Variants in RFTN2 observed in about 807,000 individuals in gnomAD.
The protein encoded by RFTN2 is raftlin family member 2.
RFTN2 carries 34 observed loss-of-function variants against 52.7 expected under a neutral mutation model. The observed-to-expected ratio is 0.64, with a 90% CI of 0.49 to 0.86. The LOEUF is 0.86. RFTN2 is among the 40% of genes least tolerant of loss of function. RFTN2 has a pLI of 0.00. For synonymous variants in RFTN2, 203 were observed against 217.7 expected (o/e 0.93, Z 0.59); for missense variants, 536 against 600.1 (o/e 0.89, Z 1.12).
intron 1 of RFTN2, among the ~76,000 whole-genome samples, chr2:197,660,851 G>T (rs1434992347): frequency 6.6e-6 from 1 of 152,048 alleles, no homozygotes; most frequent in Non-Finnish European, 1.5e-5. Context: ...GAGCCACTGC[G>T]CCCGGCCAAG....
At chr2:197,637,696 G>A (rs1574731042) in intron 3 of RFTN2, among the ~76,000 whole-genome samples, 2 of 151,256 alleles carry the variant, frequency 1.3e-5, no homozygotes, top group South Asian at 4.2e-4. Context: ...CCAGCTCCTG[G>A]ATTCATTAAT....
intron 1 of RFTN2, among the ~76,000 whole-genome samples, chr2:197,648,316 T>C (rs2088781669): frequency 6.6e-6 from 1 of 152,202 alleles, no homozygotes; most frequent in African/African-American, 2.4e-5. Flanking sequence ...CTTCCTCCAA[T>C]TTTCACCCTC....
intron 8 of RFTN2, among the ~76,000 whole-genome samples, chr2:197,578,075 T>C (rs560751126): frequency 6.6e-6 from 1 of 152,224 alleles, no homozygotes; most frequent in Non-Finnish European, 1.5e-5. Flanking sequence ...AGAATCAAAA[T>C]AGGAAGGTGG....
chr2:197,665,517 CTTT>C, intron 1 of RFTN2, among the ~76,000 whole-genome samples: 2 of 41,506 alleles, frequency 4.8e-5, no homozygotes, highest in Non-Finnish European at 9.1e-5. Context: ...TGTACCTTGC[CTTT>C]TTTTTTTTTT....
At chr2:197,575,837 T>TATTCTATATATAA (rs1559335234) in intron 8 of RFTN2, among the ~76,000 whole-genome samples, 12 of 34,380 alleles carry the variant, frequency 3.5e-4, no homozygotes, top group South Asian at 1.4e-3. Flanking sequence ...ATATAATATA[T>TATTCTATATATAA]TATATATATT....
chr2:197,659,045 T>TA (rs1384589768), intron 1 of RFTN2, among the ~76,000 whole-genome samples: 5 of 152,196 alleles, frequency 3.3e-5, no homozygotes, highest in Non-Finnish European at 7.3e-5. Flanking sequence ...GAAAAAGTCA[T>TA]ATACTATGAC....
At chr2:197,612,754 G>A (rs1212244037) in intron 7 of RFTN2, among the ~76,000 whole-genome samples, 1 of 152,230 alleles carries the variant, frequency 6.6e-6, no homozygotes, top group Non-Finnish European at 1.5e-5. Flanking sequence ...TAGGGTAATT[G>A]AAGCAACAAC....
chr2:197,634,720 ATTAT>A (rs200552307), intron 3 of RFTN2, among the ~76,000 whole-genome samples: 28,101 of 148,818 alleles, frequency 0.19, 2,708 homozygotes, highest in Middle Eastern at 0.25. Context: ...ATTTTTAAGG[ATTAT>A]TTATTTATTT....
In RFTN2 at chr2:197,633,900, T is replaced by G. The variant is rs2088509918; in HGVS notation, c.536A>C (p.Asp179Ala). 2 of 1,613,778 alleles carry G rather than the reference T, an allele frequency of 1.2e-6. No homozygotes were observed. The highest frequency in any genetic ancestry group is 1.7e-5 in the Admixed American group (1 of 60,000). Residue 179 changes from aspartate (D) to alanine (A), a missense_variant, in exon 4 of 9, where the codon GAT (aspartate) becomes GCT (alanine). Coordinates refer to ENST00000295049, the MANE Select transcript of RFTN2 (RefSeq NM_144629.3). ...KFCNGTNHDGDIESMLHVRHG... is the reference protein window; with the variant it reads ...KFCNGTNHDGAIESMLHVRHG... ...TCTCACATGTAGCATCGATTCTATA[T>G]CTCCATCATGGTTGGTTCCATTGCA...
chr2:197,619,750 A>AAAAAAAT (rs1553602245), intron 5 of RFTN2, among the ~76,000 whole-genome samples: 1 of 144,480 alleles, frequency 6.9e-6, no homozygotes, highest in Non-Finnish European at 1.5e-5. Flanking sequence ...TAAAAAAAAA[A>AAAAAAAT]AATAATAATA....
intron 7 of RFTN2, among the ~76,000 whole-genome samples, chr2:197,604,254 C>T (rs905618256): frequency 6.6e-6 from 1 of 152,152 alleles, no homozygotes; most frequent in Non-Finnish European, 1.5e-5. Flanking sequence ...CCCTATGACC[C>T]AGCAATTCTG....
chr2:197,589,199 G>A (rs2087649238), intron 8 of RFTN2, among the ~76,000 whole-genome samples: 1 of 128,214 alleles, frequency 7.8e-6, no homozygotes, highest in Non-Finnish European at 1.6e-5. Context: ...CCCAGCCTGG[G>A]TGACAGAGTG....
chr2:197,601,112 A>C (rs1364554030), intron 7 of RFTN2, among the ~76,000 whole-genome samples: 1 of 152,206 alleles, frequency 6.6e-6, no homozygotes, highest in African/African-American at 2.4e-5. Context: ...GAAGTGGTTG[A>C]ACATTGTCAA....
At chr2:197,663,829 C>G (rs1479079531) in intron 1 of RFTN2, among the ~76,000 whole-genome samples, 1 of 151,216 alleles carries the variant, frequency 6.6e-6, no homozygotes, top group Non-Finnish European at 1.5e-5. Context: ...TTATTTTTTC[C>G]TTTTACTAAT....
chr2:197,625,949 C>T (rs1247141767), intron 5 of RFTN2, among the ~76,000 whole-genome samples: 3 of 151,766 alleles, frequency 2.0e-5, no homozygotes, highest in East Asian at 1.9e-4. Flanking sequence ...CCACCATGCC[C>T]GGCTAATTTT....
intron 8 of RFTN2, among the ~76,000 whole-genome samples, chr2:197,580,967 C>G (rs1252940906): frequency 6.6e-6 from 1 of 152,134 alleles, no homozygotes; most frequent in Non-Finnish European, 1.5e-5. Context: ...CCCAAAACCT[C>G]CTTCGTGTCT....
intron 8 of RFTN2, among the ~76,000 whole-genome samples, chr2:197,583,800 C>A (rs1415090164): frequency 6.6e-6 from 1 of 152,018 alleles, no homozygotes; most frequent in Non-Finnish European, 1.5e-5. Flanking sequence ...ACGACAGGCC[C>A]CGGTGTGTGA....
chr2:197,626,028 A>T (rs1230212917), intron 5 of RFTN2, among the ~76,000 whole-genome samples: 3 of 152,088 alleles, frequency 2.0e-5, no homozygotes, highest in Admixed American at 6.6e-5. Context: ...ACCTCAAGTG[A>T]TCCACCTGCC....
At chr2:197,577,648 C>G (rs373150758) in intron 8 of RFTN2, among the ~76,000 whole-genome samples, 18 of 152,296 alleles carry the variant, frequency 1.2e-4, no homozygotes, top group African/African-American at 4.3e-4. Flanking sequence ...TGGCCAGTGG[C>G]TATCTTTCCC....
Sources: allele counts gnomAD v4.1 joint callset (sites outside exome capture counted in the v4.1 genomes callset), GRCh38; gene constraint gnomAD v4.1.1; transcripts MANE v1.5; gene names NCBI Gene and HGNC (gene_info 2026-07-23, HGNC 2026-07-21).